XKR6: variants seen among roughly 807,000 people sequenced by gnomAD.
The protein encoded by XKR6 is XK-related protein 6.
XKR6 carries 22 observed loss-of-function variants against 56.7 expected under a neutral mutation model. The observed-to-expected ratio is 0.39, with a 90% confidence interval of 0.28 to 0.55. XKR6 has a LOEUF of 0.55. XKR6 is among the 20% of genes least tolerant of loss of function. The pLI, the probability that XKR6 is intolerant of heterozygous loss-of-function variation, is 0.66. For missense variants in XKR6, 852 were observed against 889.0 expected (o/e 0.96, Z 0.53); for synonymous variants, 524 against 387.8 (o/e 1.35, Z -4.13).
chr8:11,182,943 C>G (rs1339157658), intron 1 of XKR6, among the ~76,000 whole-genome samples: 1 of 152,226 alleles, frequency 6.6e-6, no homozygotes, highest in Non-Finnish European at 1.5e-5. Context: ...CTCCACGGCC[C>G]TTTTGTAAGT....
At chr8:11,172,682 T>C (rs1259498015) in intron 1 of XKR6, among the ~76,000 whole-genome samples, 1 of 152,180 alleles carries the variant, frequency 6.6e-6, no homozygotes, top group Non-Finnish European at 1.5e-5. Context: ...TCTTTACTTT[T>C]TTTCAACCAC....
At chr8:11,111,356 T>C (rs1798882139) in intron 1 of XKR6, among the ~76,000 whole-genome samples, 1 of 152,158 alleles carries the variant, frequency 6.6e-6, no homozygotes, top group African/African-American at 2.4e-5. Flanking sequence ...CCCTACATAG[T>C]AACGTCTCAT....
At chr8:10,979,885 T>C (rs1797688574) in intron 1 of XKR6, among the ~76,000 whole-genome samples, 2 of 152,112 alleles carry the variant, frequency 1.3e-5, no homozygotes, top group Admixed American at 6.5e-5. Flanking sequence ...CTGGTCCTCT[T>C]GGTGTTTGGG....
chr8:10,916,474 A>G (rs988322716), intron 2 of XKR6, among the ~76,000 whole-genome samples: 5 of 152,236 alleles, frequency 3.3e-5, no homozygotes, highest in Admixed American at 1.3e-4. Context: ...ATTTTCACAT[A>G]AGAAAAAAGA....
intron 2 of XKR6, among the ~76,000 whole-genome samples, chr8:10,915,023 C>A (rs1800517019): frequency 6.6e-6 from 1 of 152,240 alleles, no homozygotes; most frequent in Non-Finnish European, 1.5e-5. Flanking sequence ...CGTGGTCTCC[C>A]TGTTGAAGAC....
intron 1 of XKR6, among the ~76,000 whole-genome samples, chr8:11,094,891 C>T (rs1798217520): frequency 6.6e-6 from 1 of 152,246 alleles, no homozygotes; most frequent in South Asian, 2.1e-4. Flanking sequence ...AAAAAATAGG[C>T]TGAAGGAGGG....
chr8:11,155,097 T>C (rs554993650), intron 1 of XKR6, among the ~76,000 whole-genome samples: 3 of 152,242 alleles, frequency 2.0e-5, no homozygotes, highest in East Asian at 3.8e-4. Context: ...CCCCAACCAC[T>C]GGCACCTGCT....
intron 1 of XKR6, among the ~76,000 whole-genome samples, chr8:11,050,151 T>C (rs1234947671): frequency 1.3e-5 from 2 of 152,200 alleles, no homozygotes; most frequent in East Asian, 1.9e-4. Flanking sequence ...GGTGCTGTTG[T>C]GGCTAGCACA....
At chr8:11,142,277 G>A (rs1800742949) in intron 1 of XKR6, among the ~76,000 whole-genome samples, 1 of 152,122 alleles carries the variant, frequency 6.6e-6, no homozygotes, top group South Asian at 2.1e-4. Context: ...CTAGGCCTGG[G>A]CAAGATATGT....
intron 1 of XKR6, among the ~76,000 whole-genome samples, chr8:11,121,929 G>T (rs551374509): frequency 1.3e-5 from 2 of 152,056 alleles, no homozygotes; most frequent in Non-Finnish European, 2.9e-5. Context: ...GCAAACTATC[G>T]CCAGGACAAA....
At chr8:11,034,016 C>G (rs1799075992) in intron 1 of XKR6, among the ~76,000 whole-genome samples, 1 of 152,228 alleles carries the variant, frequency 6.6e-6, no homozygotes, top group Non-Finnish European at 1.5e-5. Flanking sequence ...GTTGCTCCAG[C>G]ATAGCCTGTT....
At chr8:10,967,388 C>G (rs933640993) in intron 1 of XKR6, among the ~76,000 whole-genome samples, 1 of 152,184 alleles carries the variant, frequency 6.6e-6, no homozygotes, top group Non-Finnish European at 1.5e-5. Flanking sequence ...CTCTCTAGCC[C>G]TTCTTAACTG....
intron 1 of XKR6, among the ~76,000 whole-genome samples, chr8:11,002,939 G>T (rs1444355152): frequency 6.6e-6 from 1 of 152,152 alleles, no homozygotes; most frequent in Non-Finnish European, 1.5e-5. Context: ...ATGTTGGATA[G>T]GAGGCCCTTG....
intron 1 of XKR6, among the ~76,000 whole-genome samples, chr8:11,037,769 A>AT (rs1799182545): frequency 6.6e-6 from 1 of 151,548 alleles, no homozygotes; most frequent in South Asian, 2.1e-4. Context: ...AAGGCAGGAG[A>AT]TTCGTTTGAA....
chr8:11,200,694 C>T lies in XKR6; in HGVS notation c.646G>A (p.Ala216Thr), dbSNP rs369205575. 264 of 1,570,928 alleles carry T rather than the reference C, an allele frequency of 1.7e-4. No individual in the cohort carries two copies. Among genetic ancestry groups the T allele is most frequent in the Admixed American group, 3.0e-4 (15 of 49,696 alleles). The change falls in exon 1 of 3, where the codon GCC becomes ACC. Residue 216 changes from alanine to threonine, a missense_variant. Physicochemically the swap from Ala to Thr is moderately conservative, Grantham distance 58. Transcript: ENST00000416569. The surrounding 1 kb of genome is among the most constrained non-coding windows in gnomAD (Gnocchi z 6.4). The stretch of plus-strand genomic sequence containing the variant: ...ACCCTCACGCCTGGGCCACCGCGGG[C>T]CGCGCCGTGGACGTAGCCGGCCCCC... ...MMGAGYVHGA[A>T]RGGPGVRVSP...
chr8:10,985,149 T>G (rs9969436), intron 1 of XKR6, among the ~76,000 whole-genome samples: 86,140 of 151,700 alleles, frequency 0.57, 27,551 homozygotes, highest in African/African-American at 0.84. Context: ...GATACGGTTT[T>G]GCTGTGTCCC....
chr8:11,106,206 G>T (rs73662696), intron 1 of XKR6: 2 of 152,104 alleles, frequency 1.3e-5, no homozygotes, highest in African/African-American at 4.8e-5. Flanking sequence ...GTTCAATGCA[G>T]GTTCATGTGG....
At position 11,136,373 on chromosome 8, in the gene XKR6, G is replaced by A. The variant is rs1456060026; in HGVS notation, c.764+64203C>T. Among the ~76,000 whole-genome samples, 19 of 152,192 alleles carry A rather than the reference G, an allele frequency of 1.2e-4. 1 individual carries two copies. The highest frequency in any genetic ancestry group is 8.5e-4 in the Admixed American group (13 of 15,284). ...CTAAAAATTAGCTGGGTGTGGTGGC[G>A]GGTGCCCGCAATCCCAGCTACTCAG... On this transcript the variant is annotated intron_variant, in intron 1 of 2. Transcript: ENST00000416569.
At chr8:11,179,594 C>G (rs1351381339) in intron 1 of XKR6, among the ~76,000 whole-genome samples, 1 of 152,168 alleles carries the variant, frequency 6.6e-6, no homozygotes, top group Non-Finnish European at 1.5e-5. Flanking sequence ...TACCCTTCAA[C>G]AGAAGCCCAA....
Sources: allele counts gnomAD v4.1 joint callset (sites outside exome capture counted in the v4.1 genomes callset), GRCh38; gene constraint gnomAD v4.1.1; non-coding constraint Gnocchi (gnomAD v3.1); transcripts MANE v1.5; gene names NCBI Gene and HGNC (gene_info 2026-07-23, HGNC 2026-07-21).